RERE: variants seen among roughly 807,000 people sequenced by gnomAD.
The protein encoded by RERE is arginine-glutamic acid dipeptide repeats protein.
In RERE, 40 loss-of-function variants were observed where a neutral mutation model predicts 146.1. The observed-to-expected ratio is 0.27, with a 90% confidence interval of 0.21 to 0.36. The LOEUF (loss-of-function observed/expected upper bound fraction) is 0.36. Ranked by LOEUF, RERE falls within the 10% of genes least tolerant of loss-of-function variation. RERE has a pLI of 1.00. For synonymous variants in RERE, 1,003 were observed against 866.0 expected, an observed-to-expected ratio of 1.16 and a Z score of -2.78; for missense variants, 1,933 against 2,138.7, an observed-to-expected ratio of 0.90 and a Z score of 1.90.
At chr1:8,599,097 C>CA (rs921376292) in intron 4 of RERE, among the ~76,000 whole-genome samples, 11 of 152,348 alleles carry the variant, frequency 7.2e-5, no homozygotes, top group African/African-American at 2.6e-4. Flanking sequence ...GGGTCACCCT[C>CA]AGAGGCTCGC....
At chr1:8,540,341 G>A (rs936934187) in intron 7 of RERE, among the ~76,000 whole-genome samples, 2 of 152,126 alleles carry the variant, frequency 1.3e-5, no homozygotes, top group Admixed American at 1.3e-4. Flanking sequence ...CTGGGCTCAA[G>A]CGCTCAAGCA....
chr1:8,748,736 T>G (rs1640472902), intron 1 of RERE, among the ~76,000 whole-genome samples: 1 of 152,208 alleles, frequency 6.6e-6, no homozygotes. Flanking sequence ...TTTGTCTTTC[T>G]TCCCAGCCCC....
intron 1 of RERE, among the ~76,000 whole-genome samples, chr1:8,766,908 T>G (rs2124539800): frequency 6.6e-6 from 1 of 152,274 alleles, no homozygotes; most frequent in Admixed American, 6.5e-5. Context: ...AAAATGCAAT[T>G]TAATGTTAGT....
chr1:8,560,507 G>A (rs1646065138), intron 4 of RERE, among the ~76,000 whole-genome samples: 1 of 152,176 alleles, frequency 6.6e-6, no homozygotes, highest in African/African-American at 2.4e-5. Context: ...AAGATGGGAA[G>A]GCCTGTGGCC....
In RERE at chr1:8,495,152, C is replaced by T. The variant is rs1264234278; in HGVS notation, c.1015G>A (p.Ala339Thr). ...CCTCCATCACACATTCCTGCAAATG[C>T]CGCCATGCTCCTTCAGAAGAAAAGG... Reference protein sequence around the residue: ...MYLRAARSMAAFAGMCDGGST... With the variant: ...MYLRAARSMATFAGMCDGGST... Residue 339 changes from alanine (A) to threonine (T), a missense_variant, in exon 10 of 23, where the codon GCA (alanine) becomes ACA (threonine). Around this residue, in one of 11 missense-constraint regions of RERE, gnomAD observed 260 missense variants for 378.4 expected, o/e 0.69. Coordinates refer to ENST00000400908, the MANE Select transcript of RERE (RefSeq NM_001042681.2). 1 of 1,613,000 alleles carries T rather than the reference C, an allele frequency of 6.2e-7. No homozygotes were observed.
In RERE at chr1:8,656,243, G is replaced by C. The variant is rs772909728; in HGVS notation, c.55C>G (p.Arg19Gly). ...TCTCTTTTCTCTCTCTCTCGGTCCCGGTCTCGGTCCCGGTCCTTCTCTTTG... is the reference window on the plus strand; with the variant it reads ...TCTCTTTTCTCTCTCTCTCGGTCCCCGTCTCGGTCCCGGTCCTTCTCTTTG... ...KDKEKDRDRD[R>G]DREREKRDKA... is the part of the protein sequence containing the mutation. Residue 19 changes from arginine to glycine, a missense_variant, in exon 2 of 23, where the codon CGG becomes GGG. Around this residue, in one of 11 missense-constraint regions of RERE, gnomAD observed 107 missense variants for 119.7 expected, o/e 0.89. Transcript: ENST00000400908. 6 of 1,612,280 alleles carry C rather than the reference G, an allele frequency of 3.7e-6. No individual in the cohort carries two copies. Among genetic ancestry groups the C allele is most frequent in the Non-Finnish European group, 5.1e-6 (6 of 1,178,782 alleles).
chr1:8,636,857 C>A (rs1465342878), intron 2 of RERE, among the ~76,000 whole-genome samples: 2 of 152,118 alleles, frequency 1.3e-5, no homozygotes, highest in African/African-American at 4.8e-5. Flanking sequence ...AGGCCACATA[C>A]AATGGAGTAA....
chr1:8,379,517 C>T (rs910269961), intron 12 of RERE, among the ~76,000 whole-genome samples: 1 of 152,194 alleles, frequency 6.6e-6, no homozygotes, highest in East Asian at 1.9e-4. Context: ...TTTATGAAAA[C>T]AGCCATGGAT....
At chr1:8,639,063 G>A (rs542314209) in intron 2 of RERE, among the ~76,000 whole-genome samples, 5 of 152,150 alleles carry the variant, frequency 3.3e-5, no homozygotes, top group Admixed American at 2.0e-4. Context: ...GTGAGCCACC[G>A]CGCCCAGCCA....
At chr1:8,594,478 T>C (rs1366033621) in intron 4 of RERE, among the ~76,000 whole-genome samples, 1 of 152,200 alleles carries the variant, frequency 6.6e-6, no homozygotes, top group Admixed American at 6.5e-5. Context: ...TACTGCATTT[T>C]ACAGTGGTAA....
chr1:8,448,624 G>A (rs910724656), intron 11 of RERE, among the ~76,000 whole-genome samples: 19 of 152,110 alleles, frequency 1.2e-4, no homozygotes, highest in African/African-American at 4.6e-4. Flanking sequence ...GGGCATGGTG[G>A]CTAATAGGAA....
chr1:8,413,360 T>C (rs1435743128), intron 12 of RERE, among the ~76,000 whole-genome samples: 1 of 152,174 alleles, frequency 6.6e-6, no homozygotes, highest in African/African-American at 2.4e-5. Context: ...GTTGTTGTTG[T>C]TGTTTTTGAG....
intron 2 of RERE, among the ~76,000 whole-genome samples, chr1:8,631,295 G>A (rs949047698): frequency 1.3e-5 from 2 of 152,146 alleles, no homozygotes. Context: ...AGCACTTTGG[G>A]AGGCCGAGGC....
intron 4 of RERE, among the ~76,000 whole-genome samples, chr1:8,569,449 C>T (rs901585145): frequency 6.6e-6 from 1 of 152,000 alleles, no homozygotes; most frequent in Non-Finnish European, 1.5e-5. Flanking sequence ...TCAGACTTTG[C>T]GGTAATGAGC....
chr1:8,457,685 C>G (rs1644468780), intron 11 of RERE, among the ~76,000 whole-genome samples: 1 of 152,258 alleles, frequency 6.6e-6, no homozygotes, highest in South Asian at 2.1e-4. Context: ...TCAATGCATC[C>G]TCTGCTTCCT....
intron 12 of RERE, among the ~76,000 whole-genome samples, chr1:8,390,616 C>G (rs1228150612): frequency 6.6e-6 from 1 of 151,474 alleles, no homozygotes; most frequent in Non-Finnish European, 1.5e-5. Context: ...GTCCAAAATT[C>G]TCCCAACTAA....
At chr1:8,503,873 T>A (rs1414371343) in intron 8 of RERE, among the ~76,000 whole-genome samples, 1 of 152,248 alleles carries the variant, frequency 6.6e-6, no homozygotes, top group African/African-American at 2.4e-5. Flanking sequence ...TGTAGCCATG[T>A]GATTATTGCT....
At chr1:8,723,285 T>G (rs1639898312) in intron 1 of RERE, among the ~76,000 whole-genome samples, 1 of 152,218 alleles carries the variant, frequency 6.6e-6, no homozygotes, top group South Asian at 2.1e-4. Flanking sequence ...CTGAAAGGAC[T>G]TCTACCAAGA....
intron 1 of RERE, among the ~76,000 whole-genome samples, chr1:8,705,801 A>C (rs970474174): frequency 1.3e-5 from 2 of 152,202 alleles, no homozygotes; most frequent in African/African-American, 4.8e-5. Flanking sequence ...ATCTCAAATA[A>C]GTAACATCTA....
Sources: gnomAD v4.1 joint callset for allele counts (sites outside exome capture counted in the v4.1 genomes callset) on GRCh38, gnomAD v4.1.1 for gene constraint, gnomAD v4.1.1 regional missense constraint, MANE v1.5 for transcripts, NCBI Gene and HGNC (gene_info 2026-07-23, HGNC 2026-07-21) for gene names.